Variants in RIC1 observed in about 807,000 individuals in gnomAD.
RIC1 encodes the protein guanine nucleotide exchange factor subunit RIC1.
A neutral mutation model predicts 169.0 loss-of-function variants in RIC1; 88 were observed. The ratio of observed to expected loss-of-function variants is 0.52; its 90% CI spans 0.44 to 0.62. The LOEUF (loss-of-function observed/expected upper bound fraction) is 0.62, where lower values mean the gene tolerates loss of function less well. Among genes scored for constraint, RIC1 ranks in the 20% least tolerant of loss-of-function variants. The pLI, the probability that RIC1 is intolerant of heterozygous loss-of-function variation, is 0.00. For synonymous variants in RIC1, 790 were observed against 601.5 expected, an observed-to-expected ratio of 1.31 and a Z score of -4.59; for missense variants, 1,877 against 1,725.5, an observed-to-expected ratio of 1.09 and a Z score of -1.56.
chr9:5,756,199 T>G lies in RIC1; in HGVS notation c.1693-13T>G. The stretch of plus-strand genomic sequence containing the variant: ...CTTGTTTTTATAATTTTCTTCATTT[T>G]TGTTTTCTTCAGCTTAGAGTATACT... On this transcript the variant is annotated splice_polypyrimidine_tract_variant and intron_variant, in intron 15 of 25. Coordinates refer to ENST00000414202, the MANE Select transcript of RIC1 (RefSeq NM_020829.4). 1 of 1,495,556 alleles carries G rather than the reference T, an allele frequency of 6.7e-7. No homozygotes were observed. Among genetic ancestry groups the G allele is most frequent in the Non-Finnish European group, 9.0e-7 (1 of 1,111,670 alleles). 92.6% of individuals were successfully genotyped at this position (1,495,556 alleles called of 1,614,324 possible). A position where few individuals can be genotyped will look rare whatever the true frequency, so the allele number is the denominator to read the frequency against.
intron 3 of RIC1, among the ~76,000 whole-genome samples, chr9:5,698,889 A>C (rs1822056574): frequency 6.6e-6 from 1 of 152,226 alleles, no homozygotes; most frequent in African/African-American, 2.4e-5. Context: ...ATTCTAGTTC[A>C]TTAACTGCGA....
chr9:5,765,501 C>T lies in RIC1; in HGVS notation c.2929C>T (p.His977Tyr). ...ACAAGGCAAGTGGGACCTTTGTCGA[C>T]ACATGATTCGATTTCTTAAAGCCAT... ...LEQGKWDLCRHMIRFLKAIGS... is the reference protein window; with the variant it reads ...LEQGKWDLCRYMIRFLKAIGS... The change falls in exon 20 of 26, where the codon CAC (histidine) becomes TAC (tyrosine). Residue 977 changes from histidine (H) to tyrosine (Y), a missense_variant. This residue lies in a region of RIC1 where 681 missense variants were observed against 582.0 expected (regional missense o/e 1.17). Coordinates refer to ENST00000414202, the MANE Select transcript of RIC1 (RefSeq NM_020829.4). The T allele has an allele frequency of 6.2e-7, 1 of 1,614,166 alleles. No homozygotes were observed.
chr9:5,673,535 G>GAGAGATATATATATATATATATATATAT (rs1554663215), intron 2 of RIC1, among the ~76,000 whole-genome samples: 1 of 119,302 alleles, frequency 8.4e-6, no homozygotes, highest in African/African-American at 3.6e-5. Flanking sequence ...AACATAAGGA[G>GAGAGATATATATATATATATATATATAT]ATATATATAT....
At chr9:5,683,808 CG>C (rs1821015130) in intron 2 of RIC1, among the ~76,000 whole-genome samples, 1 of 152,214 alleles carries the variant, frequency 6.6e-6, no homozygotes, top group Admixed American at 6.5e-5. Context: ...TTCAACTTCC[CG>C]GCTGCTTTGT....
At chr9:5,712,118 A>G (rs529136322) in intron 3 of RIC1, among the ~76,000 whole-genome samples, 3 of 152,178 alleles carry the variant, frequency 2.0e-5, no homozygotes, top group African/African-American at 7.2e-5. Flanking sequence ...GTCAAATGGT[A>G]TTTCTAGTTC....
At chr9:5,723,608 G>T (rs1028486668) in intron 6 of RIC1, among the ~76,000 whole-genome samples, 2 of 152,152 alleles carry the variant, frequency 1.3e-5, no homozygotes, top group Admixed American at 6.5e-5. Flanking sequence ...ATTGCTTTTG[G>T]TGTTTTAGTC....
At chr9:5,714,444 A>C (rs1823116109) in intron 4 of RIC1, among the ~76,000 whole-genome samples, 1 of 152,222 alleles carries the variant, frequency 6.6e-6, no homozygotes, top group South Asian at 2.1e-4. Context: ...CAAAGTGGCC[A>C]GAAATACCAG....
intron 4 of RIC1, among the ~76,000 whole-genome samples, chr9:5,714,413 G>A (rs548149766): frequency 6.6e-5 from 10 of 152,206 alleles, no homozygotes; most frequent in African/African-American, 2.4e-4. Context: ...TTTCATCCAA[G>A]TATGAATAAA....
chr9:5,698,735 T>A (rs188419609), intron 3 of RIC1, among the ~76,000 whole-genome samples: 42 of 152,222 alleles, frequency 2.8e-4, no homozygotes, highest in Non-Finnish European at 1.3e-4. Context: ...GTGCTGTGTG[T>A]CTATAAAATG....
intron 22 of RIC1, among the ~76,000 whole-genome samples, chr9:5,769,854 T>C (rs1827077269): frequency 6.6e-6 from 1 of 152,162 alleles, no homozygotes; most frequent in African/African-American, 2.4e-5. Context: ...TTTGCCTAGC[T>C]CCAGTAAGAA....
chr9:5,676,476 A>G (rs1325573817), intron 2 of RIC1, among the ~76,000 whole-genome samples: 1 of 152,202 alleles, frequency 6.6e-6, no homozygotes, highest in Non-Finnish European at 1.5e-5. Flanking sequence ...CTCTCAAGGT[A>G]GATACTTTTA....
chr9:5,682,712 C>T (rs572891699), intron 2 of RIC1, among the ~76,000 whole-genome samples: 2 of 152,158 alleles, frequency 1.3e-5, no homozygotes, highest in Non-Finnish European at 2.9e-5. Context: ...GCCTGCCTTG[C>T]TAGATTGGGG....
intron 10 of RIC1, among the ~76,000 whole-genome samples, chr9:5,744,272 T>C (rs1825254002): frequency 6.6e-6 from 1 of 152,130 alleles, no homozygotes; most frequent in South Asian, 2.1e-4. Flanking sequence ...TAACATGAGG[T>C]GAAATGCTCA....
intron 12 of RIC1, among the ~76,000 whole-genome samples, chr9:5,752,271 ATAAG>A (rs1001694366): frequency 5.9e-5 from 9 of 152,102 alleles, no homozygotes; most frequent in East Asian, 1.9e-4. Flanking sequence ...GTTCTTGTAG[ATAAG>A]TAAGTCAAAT....
At chr9:5,677,913 A>G (rs898470182) in intron 2 of RIC1, among the ~76,000 whole-genome samples, 8 of 151,830 alleles carry the variant, frequency 5.3e-5, no homozygotes, top group Non-Finnish European at 8.8e-5. Flanking sequence ...GGTTTGTTAC[A>G]TATGTATACA....
rs551547557 is a variant in RIC1 at position 5,629,304 on chromosome 9, C to T, written c.-6C>T. On this transcript the variant is annotated 5_prime_UTR_variant, in exon 1 of 26. In the 5' UTR this introduces an upstream ATG that the reference lacks. Transcript: ENST00000414202. The stretch of plus-strand genomic sequence containing the variant: ...AACTGGGGGCGCCGGGGGCTCCGCA[C>T]GGACCATGTATTTTCTGAGCGGCTG... 5 of 1,506,356 alleles carry T rather than the reference C, an allele frequency of 3.3e-6. No homozygotes were observed. The highest frequency in any genetic ancestry group is 2.8e-5 in the African/African-American group (2 of 70,248). 93.3% of individuals were successfully genotyped at this position (1,506,356 alleles called of 1,614,324 possible).
chr9:5,748,282 C>G (rs1016678936), intron 12 of RIC1, among the ~76,000 whole-genome samples: 3 of 152,094 alleles, frequency 2.0e-5, no homozygotes, highest in African/African-American at 7.2e-5. Flanking sequence ...TTCCATAATT[C>G]TTTGCCTTAC....
Position 5,747,469 on chromosome 9 carries a change from C to T in RIC1, c.1416C>T (p.Ser472=). 6.2e-7 allele frequency: 1 copy of T among 1,614,086 alleles called. No individual in the cohort carries two copies. The highest frequency in any genetic ancestry group is 8.5e-7 in the Non-Finnish European group (1 of 1,179,932). ...GAGGTTTAGAGTCTCAGGGATTAAG[C>T]ACTTTACTTGGACATCGGCATTGGC... ...ADGGLESQGL[S]TLLGHRHWHV... Residue 472 remains serine, a synonymous_variant, in exon 12 of 26, where the codon AGC becomes AGT. Coordinates refer to ENST00000414202, the MANE Select transcript of RIC1 (RefSeq NM_020829.4).
intron 17 of RIC1, among the ~76,000 whole-genome samples, chr9:5,759,221 C>T (rs964678181): frequency 6.6e-6 from 1 of 152,112 alleles, no homozygotes; most frequent in Non-Finnish European, 1.5e-5. Flanking sequence ...ATTTTGCAGT[C>T]CTGAGGAACT....
Sources: allele counts gnomAD v4.1 joint callset (sites outside exome capture counted in the v4.1 genomes callset), GRCh38; gene constraint gnomAD v4.1.1; regional missense constraint gnomAD v4.1.1; transcripts MANE v1.5; gene names NCBI Gene and HGNC (gene_info 2026-07-23, HGNC 2026-07-21).